The following SLC25A25 variants were observed in gnomAD, a reference collection of about 807,000 sequenced individuals.
The protein encoded by SLC25A25 is mitochondrial adenyl nucleotide antiporter SLC25A25.
In SLC25A25, 32 loss-of-function variants were observed where a neutral mutation model predicts 57.7. The observed-to-expected ratio is 0.55, with a 90% CI of 0.42 to 0.74. The LOEUF is 0.74. Ranked by LOEUF, SLC25A25 falls within the 30% of genes least tolerant of loss-of-function variation. The pLI, the probability that SLC25A25 is intolerant of heterozygous loss-of-function variation, is 0.00. For synonymous variants in SLC25A25, 306 were observed against 291.2 expected (o/e 1.05, Z -0.52); for missense variants, 556 against 701.3 (o/e 0.79, Z 2.34).
chr9:128,083,447 A>G (rs1408418726), intron 1 of SLC25A25, among the ~76,000 whole-genome samples: 1 of 151,904 alleles, frequency 6.6e-6, no homozygotes, highest in Non-Finnish European at 1.5e-5. Context: ...TAACTTTCTA[A>G]AAAGTGTTAC....
At chr9:128,078,244 T>A (rs76681389) in intron 1 of SLC25A25, among the ~76,000 whole-genome samples, 5,049 of 152,190 alleles carry the variant, frequency 0.033, 249 homozygotes, top group African/African-American at 0.12. Context: ...TGGCACATAT[T>A]CACCAAGTGA....
At chr9:128,106,997 A>G (rs1019258224) in intron 9 of SLC25A25, 32 bp from the exon 10 acceptor site, 4 of 1,604,022 alleles carry the variant, frequency 2.5e-6, no homozygotes, top group East Asian at 2.2e-5. Flanking sequence ...AGCCCTTCCT[A>G]GGGCTTATCC....
intron 1 of SLC25A25, among the ~76,000 whole-genome samples, chr9:128,087,442 T>A (rs2130798111): frequency 6.6e-6 from 1 of 152,286 alleles, no homozygotes; most frequent in Admixed American, 6.5e-5. Flanking sequence ...CCAGTCATTC[T>A]TATCTGTATG....
chr9:128,069,971 G>A (rs1255455924), intron 1 of SLC25A25, among the ~76,000 whole-genome samples: 2 of 141,238 alleles, frequency 1.4e-5, no homozygotes, highest in Non-Finnish European at 3.0e-5. Context: ...AGGCTCGAGT[G>A]CAGTGGTGCG....
chr9:128,103,621 A>G lies in SLC25A25; in HGVS notation c.625-60A>G, dbSNP rs1833895899. 7 of 1,610,486 alleles carry G rather than the reference A, an allele frequency of 4.3e-6. No homozygotes were observed. Among genetic ancestry groups the G allele is most frequent in the Middle Eastern group, 1.7e-4 (1 of 6,034 alleles). ...GCCGTGCTAGAGGGTAGACGGCGACAGGTGCCAGCAGCCTTGCCCCAAGGG... is the reference window on the plus strand; with the variant it reads ...GCCGTGCTAGAGGGTAGACGGCGACGGGTGCCAGCAGCCTTGCCCCAAGGG... On this transcript the variant is annotated intron_variant, in intron 5 of 10. Coordinates refer to ENST00000373069, the MANE Select transcript of SLC25A25 (RefSeq NM_001330988.2). This position sits in a 1 kb window ranked among gnomAD's most constrained non-coding sequence, Gnocchi z 6.7.
intron 1 of SLC25A25, among the ~76,000 whole-genome samples, chr9:128,084,494 A>C (rs903300253): frequency 1.3e-5 from 2 of 152,032 alleles, no homozygotes; most frequent in East Asian, 3.9e-4. Context: ...CCAGGTTTTT[A>C]GATAATAACC....
At chr9:128,071,099 A>T (rs1245056737) in intron 1 of SLC25A25, among the ~76,000 whole-genome samples, 2 of 152,216 alleles carry the variant, frequency 1.3e-5, no homozygotes, top group African/African-American at 4.8e-5. Context: ...AGCATGTTAA[A>T]TGTCTGCCCC....
intron 1 of SLC25A25, among the ~76,000 whole-genome samples, chr9:128,090,253 C>T (rs1833369567): frequency 6.6e-6 from 1 of 152,076 alleles, no homozygotes; most frequent in Admixed American, 6.5e-5. Context: ...GCTCTTGTCA[C>T]CCAGGCTGGA....
At position 128,074,631 on chromosome 9, in the gene SLC25A25, C is replaced by A. The variant is rs187472642; in HGVS notation, c.261+6051C>A. On this transcript the variant is annotated intron_variant, in intron 1 of 10. Transcript: ENST00000373069. ...GGCTGAGGCAGGAGAATTGCTTGATCCCAGGAGACGGAGGTTGCAGTGAGC... is the reference window on the plus strand; with the variant it reads ...GGCTGAGGCAGGAGAATTGCTTGATACCAGGAGACGGAGGTTGCAGTGAGC... Among the ~76,000 whole-genome samples the A allele has an allele frequency of 4.2e-3, 640 of 152,082 alleles. 4 individuals are homozygous for A. Among genetic ancestry groups the A allele is most frequent in the Middle Eastern group, 0.041 (12 of 294 alleles).
At chr9:128,089,890 C>T (rs1400900526) in intron 1 of SLC25A25, among the ~76,000 whole-genome samples, 1 of 152,110 alleles carries the variant, frequency 6.6e-6, no homozygotes, top group Non-Finnish European at 1.5e-5. Flanking sequence ...CCACCTCCAT[C>T]TCCCAAAGTA....
chr9:128,104,806 AT>A (rs1218369541), intron 6 of SLC25A25, among the ~76,000 whole-genome samples: 1 of 149,056 alleles, frequency 6.7e-6, no homozygotes, highest in Non-Finnish European at 1.5e-5. Flanking sequence ...AGTTTTTTTA[AT>A]AATGAAAAAC....
intron 1 of SLC25A25, among the ~76,000 whole-genome samples, chr9:128,077,081 A>G (rs966036853): frequency 6.6e-5 from 10 of 152,186 alleles, no homozygotes; most frequent in African/African-American, 2.4e-4. Context: ...CTGTGGTCTT[A>G]TCTTCCTATA....
rs780145419 is a variant in SLC25A25 at position 128,107,286 on chromosome 9, A to G, written c.1390A>G (p.Thr464Ala). Residue 464 changes from threonine (T) to alanine (A), a missense_variant, in exon 11 of 11, where the codon ACC becomes GCC. Thr to Ala is a moderately conservative substitution (Grantham distance 58). Coordinates refer to ENST00000373069, the MANE Select transcript of SLC25A25 (RefSeq NM_001330988.2). ...CTCTATTGAGGGCGCTCCGGAGGTG[A>G]CCATGAGCAGCCTCTTCAAACATAT... The part of the protein sequence containing the change: ...QASIEGAPEV[T>A]MSSLFKHILR... 6.3e-7 allele frequency: 1 copy of G among 1,584,108 alleles called. No individual in the cohort carries two copies. The highest frequency in any genetic ancestry group is 1.1e-5 in the South Asian group (1 of 88,332).
In SLC25A25 at chr9:128,091,546, CTTTTT is replaced by C. The variant is rs757342831; in HGVS notation, c.262-9539_262-9535del. The C allele has an allele frequency of 1.9e-3, 1,634 of 851,616 alleles. 4 individuals carry two copies. The highest frequency in any genetic ancestry group is 9.6e-3 in the African/African-American group (484 of 50,352). The allele number at this position is 851,616 out of a possible 1,614,324, so 52.8% of individuals were successfully genotyped here. ...TGCTTGGCTGTCGCGTTTTCCTTTT[CTTTTT>C]TTTTTTTTTTAAAAAAAAGCCAAAC... On this transcript the variant is annotated intron_variant, in intron 1 of 10. Transcript: ENST00000373069.
In SLC25A25 at chr9:128,106,498, G is replaced by A. The variant is rs367599861; in HGVS notation, c.1190G>A (p.Gly397Asp). ...PNMLGIIPYA[G>D]IDLAVYETLK... The stretch of plus-strand genomic sequence containing the variant: ...ATGCTGGGCATCATCCCCTATGCCG[G>A]CATCGACCTTGCAGTCTACGAGGTG... Residue 397 changes from glycine (G) to aspartate (D), a missense_variant, in exon 9 of 11, where the codon GGC becomes GAC. Coordinates refer to ENST00000373069, the MANE Select transcript of SLC25A25 (RefSeq NM_001330988.2). The A allele has an allele frequency of 6.2e-7, 1 of 1,609,088 alleles. No individual in the cohort carries two copies.
chr9:128,076,460 T>TC (rs1313684328), intron 1 of SLC25A25, among the ~76,000 whole-genome samples: 1 of 128,058 alleles, frequency 7.8e-6, no homozygotes, highest in Non-Finnish European at 1.5e-5. Context: ...ATTTTTATTT[T>TC]TATTTTTATT....
In SLC25A25 at chr9:128,068,448, C is replaced by A; in HGVS notation, c.129C>A (p.Gly43=). The A allele has an allele frequency of 6.4e-7, 1 of 1,556,554 alleles. No homozygotes were observed. Among genetic ancestry groups the A allele is most frequent in the Non-Finnish European group, 8.6e-7 (1 of 1,162,024 alleles). ...GDPCGGAICG[G]PDHRLRLWRL... is the part of the protein sequence containing the mutation. ...CCTGCGGCGGCGCTATCTGCGGGGG[C>A]CCGGACCACCGGCTGCGCCTGTGGA... Residue 43 remains glycine (G), a synonymous_variant, in exon 1 of 11, where the codon GGC becomes GGA. Coordinates refer to ENST00000373069, the MANE Select transcript of SLC25A25 (RefSeq NM_001330988.2).
chr9:128,094,335 G>A (rs1477146578), intron 1 of SLC25A25: 1 of 152,164 alleles, frequency 6.6e-6, no homozygotes, highest in African/African-American at 2.4e-5. Flanking sequence ...TTCAGTTGGA[G>A]AAGAAAGCCA....
chr9:128,079,240 G>A (rs1490300067), intron 1 of SLC25A25, among the ~76,000 whole-genome samples: 3 of 151,834 alleles, frequency 2.0e-5, no homozygotes, highest in Non-Finnish European at 4.4e-5. Context: ...TGTTCCTGCC[G>A]GTGCCTGAAG....
Sources: allele counts gnomAD v4.1 joint callset (sites outside exome capture counted in the v4.1 genomes callset), GRCh38; gene constraint gnomAD v4.1.1; non-coding constraint Gnocchi (gnomAD v3.1); transcripts MANE v1.5; gene names NCBI Gene and HGNC (gene_info 2026-07-23, HGNC 2026-07-21).